Variants in COBL observed in about 807,000 individuals in gnomAD.
COBL encodes the protein protein cordon-bleu.
A neutral mutation model predicts 98.8 loss-of-function variants in COBL; 51 were observed. The ratio of observed to expected loss-of-function variants is 0.52; its 90% CI spans 0.41 to 0.65. COBL has a LOEUF of 0.65. COBL is among the 30% of genes least tolerant of loss of function. COBL has a pLI of 0.00. For synonymous variants in COBL, 634 were observed against 651.7 expected, an observed-to-expected ratio of 0.97 and a Z score of 0.41; for missense variants, 1,617 against 1,617.5, an observed-to-expected ratio of 1.00 and a Z score of 0.01.
intron 6 of COBL, among the ~76,000 whole-genome samples, chr7:51,100,190 C>T (rs745338244): frequency 6.6e-6 from 1 of 152,278 alleles, no homozygotes. Flanking sequence ...GGTTTGCCCA[C>T]GTATTATTTT....
In COBL at chr7:51,091,486, TA is replaced by T. The variant is rs959148557; in HGVS notation, c.958-6183del. Among the ~76,000 whole-genome samples the T allele has an allele frequency of 3.3e-5, 5 of 151,040 alleles. No individual in the cohort carries two copies. In the East Asian group the frequency reaches 7.8e-4, roughly 24 times the overall value. ...CAGTTGAAATTATTGAGTAAAGGAATAAAAAAAAATTCAAAAATTGAACACA... is the reference window on the plus strand; with the variant it reads ...CAGTTGAAATTATTGAGTAAAGGAATAAAAAAAATTCAAAAATTGAACACA... On this transcript the variant is annotated intron_variant, in intron 6 of 12. Transcript: ENST00000265136.
At chr7:51,244,564 AG>A (rs1796119003) in intron 1 of COBL, among the ~76,000 whole-genome samples, 1 of 152,058 alleles carries the variant, frequency 6.6e-6, no homozygotes, top group South Asian at 2.1e-4. Flanking sequence ...CCAAACCGAT[AG>A]GGTCTCATGG....
At chr7:51,138,386 G>A (rs1799430284) in intron 5 of COBL, among the ~76,000 whole-genome samples, 1 of 152,186 alleles carries the variant, frequency 6.6e-6, no homozygotes, top group Non-Finnish European at 1.5e-5. Flanking sequence ...TGCAACTCAA[G>A]ATTTATTTAA....
chr7:51,179,154 G>A (rs1330547453), intron 5 of COBL, among the ~76,000 whole-genome samples: 1 of 152,166 alleles, frequency 6.6e-6, no homozygotes, highest in Middle Eastern at 3.2e-3. Context: ...TCCAAAAGCG[G>A]CATATTAGGC....
intron 7 of COBL, among the ~76,000 whole-genome samples, chr7:51,049,098 T>A (rs1236804576): frequency 6.6e-6 from 1 of 152,198 alleles, no homozygotes; most frequent in Non-Finnish European, 1.5e-5. Flanking sequence ...GTCACAAAAA[T>A]TATGCTTAAT....
chr7:51,258,495 T>C (rs1452196635), intron 1 of COBL, among the ~76,000 whole-genome samples: 1 of 152,216 alleles, frequency 6.6e-6, no homozygotes, highest in East Asian at 1.9e-4. Flanking sequence ...AACACTGAAA[T>C]TTTTCCTTGG....
intron 5 of COBL, among the ~76,000 whole-genome samples, chr7:51,153,125 G>A (rs747716085): frequency 2.0e-5 from 3 of 152,148 alleles, no homozygotes; most frequent in Non-Finnish European, 4.4e-5. Context: ...TGCCATGGGG[G>A]ATTGTAAAGA....
At chr7:51,211,367 T>A (rs916122731) in intron 2 of COBL, among the ~76,000 whole-genome samples, 7 of 152,186 alleles carry the variant, frequency 4.6e-5, no homozygotes, top group African/African-American at 7.2e-5. Flanking sequence ...GCTGACTGCA[T>A]CCTCTGTGCC....
chr7:51,142,897 T>C (rs1418557204), intron 5 of COBL, among the ~76,000 whole-genome samples: 2 of 152,110 alleles, frequency 1.3e-5, no homozygotes, highest in Admixed American at 6.5e-5. Context: ...TGACATGCGA[T>C]GTGTGTCCTC....
At chr7:51,070,766 T>C (rs1792461288) in intron 7 of COBL, 1 of 151,882 alleles carries the variant, frequency 6.6e-6, no homozygotes, top group Admixed American at 6.6e-5. Flanking sequence ...GATGTGTGAC[T>C]GATTATAATG....
At chr7:51,231,710 C>T (rs1794775823) in intron 1 of COBL, among the ~76,000 whole-genome samples, 1 of 152,178 alleles carries the variant, frequency 6.6e-6, no homozygotes, top group Admixed American at 6.5e-5. Flanking sequence ...GGGGCCTGAA[C>T]CAGAGGGCTG....
chr7:51,140,248 G>A (rs910491851), intron 5 of COBL, among the ~76,000 whole-genome samples: 2 of 152,292 alleles, frequency 1.3e-5, no homozygotes, highest in East Asian at 3.9e-4. Context: ...GCCAGCTGCT[G>A]TCATTCAATG....
At chr7:51,133,526 A>G (rs1444815798) in intron 6 of COBL, among the ~76,000 whole-genome samples, 2 of 152,168 alleles carry the variant, frequency 1.3e-5, no homozygotes, top group Non-Finnish European at 2.9e-5. Flanking sequence ...ATCCAGACCT[A>G]CTGAATCAGC....
chr7:51,095,472 C>T (rs1795190128), intron 6 of COBL, among the ~76,000 whole-genome samples: 1 of 152,126 alleles, frequency 6.6e-6, no homozygotes, highest in South Asian at 2.1e-4. Context: ...AGCAACAAAA[C>T]TACAAGATAT....
intron 1 of COBL, among the ~76,000 whole-genome samples, chr7:51,286,516 T>A (rs1800387001): frequency 6.6e-6 from 1 of 151,930 alleles, no homozygotes; most frequent in African/African-American, 2.4e-5. Context: ...AAACTGTTCA[T>A]CATCATTAAT....
At chr7:51,035,745 T>C (rs1788570355) in intron 8 of COBL, 1 of 152,212 alleles carries the variant, frequency 6.6e-6, no homozygotes, top group African/African-American at 2.4e-5. Flanking sequence ...AGATTTGATG[T>C]ATATTTTACA....
chr7:51,182,470 C>T (rs1379559354), intron 5 of COBL, among the ~76,000 whole-genome samples: 6 of 151,964 alleles, frequency 3.9e-5, no homozygotes, highest in South Asian at 4.2e-4. Flanking sequence ...TTAGCAGAGA[C>T]GGGGTTTCAC....
chr7:51,087,706 TC>T (rs1794412655), intron 6 of COBL, among the ~76,000 whole-genome samples: 1 of 151,660 alleles, frequency 6.6e-6, no homozygotes, highest in African/African-American at 2.4e-5. Context: ...ACTCCTGGGC[TC>T]CAGTGATGCA....
intron 6 of COBL, among the ~76,000 whole-genome samples, chr7:51,093,944 G>T (rs1795046031): frequency 6.6e-6 from 1 of 150,472 alleles, no homozygotes; most frequent in South Asian, 2.1e-4. Context: ...ACCCTAAGTG[G>T]CAATCAACAG....
Sources: gnomAD v4.1 joint callset for allele counts (sites outside exome capture counted in the v4.1 genomes callset) on GRCh38, gnomAD v4.1.1 for gene constraint, MANE v1.5 for transcripts, NCBI Gene and HGNC (gene_info 2026-07-23, HGNC 2026-07-21) for gene names.